ELAVL3: variants seen among roughly 807,000 people sequenced by gnomAD.
ELAVL3 encodes ELAV like RNA binding protein 3, also known as ELAV-like protein 3.
A neutral mutation model predicts 34.2 loss-of-function variants in ELAVL3; 8 were observed. That is an observed-to-expected ratio of 0.23 (90% confidence interval 0.14 to 0.42). The LOEUF (loss-of-function observed/expected upper bound fraction) is 0.42, where lower values mean the gene tolerates loss of function less well. ELAVL3 is among the 10% of genes least tolerant of loss of function. The probability of loss-of-function intolerance (pLI) is 1.00; values close to 1 mark genes in which losing one functional copy is unlikely to be tolerated. For synonymous variants in ELAVL3, 209 were observed against 222.1 expected (o/e 0.94, Z 0.53); for missense variants, 273 against 518.8 (o/e 0.53, Z 4.60).
intron 3 of ELAVL3, among the ~76,000 whole-genome samples, chr19:11,463,482 G>A (rs938361298): frequency 3.3e-5 from 5 of 152,090 alleles, no homozygotes; most frequent in African/African-American, 7.2e-5. Context: ...AGTGAAGGTC[G>A]TAGAACCACA....
intron 1 of ELAVL3, among the ~76,000 whole-genome samples, chr19:11,474,595 C>T (rs1355940936): frequency 2.7e-5 from 4 of 149,552 alleles, no homozygotes; most frequent in Admixed American, 6.7e-5. Context: ...AGTGAGACTC[C>T]GTCTCAAAAA....
In ELAVL3 at chr19:11,466,933, C is replaced by T. The variant is rs1204322305; in HGVS notation, c.10-106G>A. ...AATTAGCCATGTCTTATAGGGGCTT[C>T]GTCATGGGGAGGGGTCACTTTATTA... On this transcript the variant is annotated intron_variant, in intron 1 of 6. Transcript: ENST00000359227. This position sits in a 1 kb window ranked among gnomAD's most constrained non-coding sequence, Gnocchi z 5.0. 4.6e-6 allele frequency: 4 copies of T among 867,532 alleles called. No homozygotes were observed. The South Asian group carries it at 5.1e-5, about 11-fold the overall frequency. The allele number at this position is 867,532 out of a possible 1,614,324, so 53.7% of individuals were successfully genotyped here. A position where few individuals can be genotyped will look rare whatever the true frequency, so the allele number is the denominator to read the frequency against.
At position 11,453,947 on chromosome 19, in the gene ELAVL3, T is replaced by C. The variant is rs1599524868; in HGVS notation, c.*579A>G. ...TACAAAAATAGAGTTTTTCTTCCCC[T>C]CCCACCCCCCTTTTTTTTTCATTTT... On this transcript the variant is annotated 3_prime_UTR_variant, in exon 7 of 7. Coordinates refer to ENST00000359227, the MANE Select transcript of ELAVL3 (RefSeq NM_001420.4). 1 of 148,328 alleles carries C rather than the reference T, an allele frequency of 6.7e-6. No homozygotes were observed. The highest frequency in any genetic ancestry group is 1.5e-5 in the Non-Finnish European group (1 of 67,194). The allele number at this position is 148,328 out of a possible 1,614,324, so 9.2% of individuals were successfully genotyped here. A position where few individuals can be genotyped will look rare whatever the true frequency, so the allele number is the denominator to read the frequency against.
In ELAVL3 at chr19:11,453,222, G is replaced by A. The variant is rs1327174661; in HGVS notation, c.*1304C>T. 6.6e-6 allele frequency: 1 copy of A among 152,200 alleles called. No homozygotes were observed. The highest frequency in any genetic ancestry group is 1.5e-5 in the Non-Finnish European group (1 of 68,076). The allele number at this position is 152,200 out of a possible 1,614,324, so 9.4% of individuals were successfully genotyped here. ...GGGGGGGCTGCCTCCAGCCCACCGT[G>A]ACGCCAAGGTGGAACGAGGTATCGT... On this transcript the variant is annotated 3_prime_UTR_variant, in exon 7 of 7. Transcript: ENST00000359227.
chr19:11,464,743 CAT>C (rs1342274614), intron 3 of ELAVL3, among the ~76,000 whole-genome samples: 5 of 132,842 alleles, frequency 3.8e-5, no homozygotes, highest in Admixed American at 1.5e-4. Flanking sequence ...ACACCACACA[CAT>C]ACACCACACA....
intron 1 of ELAVL3, among the ~76,000 whole-genome samples, chr19:11,472,834 G>A (rs181716588): frequency 1.8e-4 from 28 of 152,078 alleles, no homozygotes; most frequent in Admixed American, 9.8e-4. Flanking sequence ...GGAGACCAAG[G>A]GGGGGTGGAT....
chr19:11,465,690 C>T (rs928932297), intron 3 of ELAVL3, among the ~76,000 whole-genome samples: 1 of 152,076 alleles, frequency 6.6e-6, no homozygotes, highest in Non-Finnish European at 1.5e-5. Flanking sequence ...CATGACGATT[C>T]CCCCCCAGGG....
At chr19:11,455,683 T>C (rs1970754322) in intron 6 of ELAVL3, among the ~76,000 whole-genome samples, 3 of 152,136 alleles carry the variant, frequency 2.0e-5, no homozygotes, top group Admixed American at 1.3e-4. Context: ...TCCTACCACC[T>C]TGGAGTTCCA....
Position 11,480,465 on chromosome 19 carries a change from C to T in ELAVL3, c.9+135G>A, listed in dbSNP as rs1971353585. The T allele has an allele frequency of 8.8e-7, 1 of 1,133,330 alleles. No individual in the cohort carries two copies. The highest frequency in any genetic ancestry group is 1.2e-6 in the Non-Finnish European group (1 of 855,404). 70.2% of individuals were successfully genotyped at this position (1,133,330 alleles called of 1,614,324 possible). ...CCCTGCCCACTCTCAGGCCCCGAGG[C>T]TTGGTCCTACCCCCCCAACCCGGGC... On this transcript the variant is annotated intron_variant, in intron 1 of 6. Coordinates refer to ENST00000359227, the MANE Select transcript of ELAVL3 (RefSeq NM_001420.4). The surrounding 1 kb of genome is among the most constrained non-coding windows in gnomAD (Gnocchi z 6.8).
At chr19:11,463,010 CA>C (rs1970924345) in intron 3 of ELAVL3, among the ~76,000 whole-genome samples, 1 of 150,662 alleles carries the variant, frequency 6.6e-6, no homozygotes, top group African/African-American at 2.4e-5. Flanking sequence ...ATGTATTTGA[CA>C]GTTTTCTCTT....
At chr19:11,462,505 C>T (rs560564225) in intron 3 of ELAVL3, among the ~76,000 whole-genome samples, 13 of 151,690 alleles carry the variant, frequency 8.6e-5, no homozygotes, top group African/African-American at 2.2e-4. Flanking sequence ...GGCGTGGTGG[C>T]GGGCGCCTGT....
Position 11,466,370 on chromosome 19 carries a change from G to T in ELAVL3, c.230-95C>A. On this transcript the variant is annotated intron_variant, in intron 2 of 6. Coordinates refer to ENST00000359227, the MANE Select transcript of ELAVL3 (RefSeq NM_001420.4). The surrounding 1 kb of genome is among the most constrained non-coding windows in gnomAD (Gnocchi z 5.0). ...TGAGAGACTGTCCCCTCCCCACCAA[G>T]TTTCCACCTTCCTGTTTCCAGATGA... 2 of 1,244,042 alleles carry T rather than the reference G, an allele frequency of 1.6e-6. No individual in the cohort carries two copies. Among genetic ancestry groups the T allele is most frequent in the Non-Finnish European group, 2.3e-6 (2 of 855,610 alleles). The allele number at this position is 1,244,042 out of a possible 1,614,324, so 77.1% of individuals were successfully genotyped here. A position where few individuals can be genotyped will look rare whatever the true frequency, so the allele number is the denominator to read the frequency against.
intron 5 of ELAVL3, 140 bp from the exon 6 acceptor site, chr19:11,457,288 G>A (rs905797489): frequency 6.0e-5 from 52 of 873,702 alleles, no homozygotes; most frequent in African/African-American, 8.7e-5. Context: ...CCGCCCGCCC[G>A]GCTAGACACT....
In ELAVL3 at chr19:11,480,439, G is replaced by GC. The variant is rs925118284; in HGVS notation, c.9+160dup. On this transcript the variant is annotated intron_variant, in intron 1 of 6. Transcript: ENST00000359227. This position sits in a 1 kb window ranked among gnomAD's most constrained non-coding sequence, Gnocchi z 6.8. ...AAGCGCCCTCAGCACTCTGGGCGCG[G>GC]CCCTGCCCACTCTCAGGCCCCGAGG... Among the ~76,000 whole-genome samples, 1 of 151,966 alleles carries GC rather than the reference G, an allele frequency of 6.6e-6. No homozygotes were observed. The highest frequency in any genetic ancestry group is 1.5e-5 in the Non-Finnish European group (1 of 67,946).
Position 11,466,839 on chromosome 19 carries a change from A to C in ELAVL3, c.10-12T>G. On this transcript the variant is annotated splice_polypyrimidine_tract_variant and intron_variant, in intron 1 of 6. Transcript: ENST00000359227. The surrounding 1 kb of genome is among the most constrained non-coding windows in gnomAD (Gnocchi z 5.0). ...GCCCCCAGTATCTGCTGGAGATAACAGGTCGCATCCGCTCACCGCCCAGTC... is the reference window on the plus strand; with the variant it reads ...GCCCCCAGTATCTGCTGGAGATAACCGGTCGCATCCGCTCACCGCCCAGTC... The C allele has an allele frequency of 6.3e-7, 1 of 1,583,228 alleles. No individual in the cohort carries two copies. The highest frequency in any genetic ancestry group is 8.6e-7 in the Non-Finnish European group (1 of 1,163,946).
At chr19:11,476,265 AAG>A (rs1234796269) in intron 1 of ELAVL3, among the ~76,000 whole-genome samples, 1 of 152,148 alleles carries the variant, frequency 6.6e-6, no homozygotes, top group Non-Finnish European at 1.5e-5. Flanking sequence ...TACACGAGGA[AAG>A]AGAGTCTCAA....
intron 1 of ELAVL3, among the ~76,000 whole-genome samples, chr19:11,478,605 CT>C (rs1971308108): frequency 6.6e-6 from 1 of 152,152 alleles, no homozygotes; most frequent in Non-Finnish European, 1.5e-5. Context: ...TCTCCCCCGA[CT>C]TTTGGTTTCT....
At chr19:11,474,189 T>C (rs913607678) in intron 1 of ELAVL3, among the ~76,000 whole-genome samples, 1 of 152,130 alleles carries the variant, frequency 6.6e-6, no homozygotes, top group East Asian at 1.9e-4. Flanking sequence ...TGTGCCACCA[T>C]GCCTGGCTAA....
chr19:11,452,186 G>A lies in ELAVL3; in HGVS notation c.*2340C>T, dbSNP rs1306079998. 1 of 152,204 alleles carries A rather than the reference G, an allele frequency of 6.6e-6. No individual in the cohort carries two copies. Among genetic ancestry groups the A allele is most frequent in the Non-Finnish European group, 1.5e-5 (1 of 68,044 alleles). The allele number at this position is 152,204 out of a possible 1,614,324, so 9.4% of individuals were successfully genotyped here. A position where few individuals can be genotyped will look rare whatever the true frequency, so the allele number is the denominator to read the frequency against. ...TGTCCCGCAGAGCACACGCCCCCGC[G>A]TGCCACTCGGCTACCATTACTGTTA... On this transcript the variant is annotated 3_prime_UTR_variant, in exon 7 of 7. Transcript: ENST00000359227.
Sources: gnomAD v4.1 joint callset for allele counts (sites outside exome capture counted in the v4.1 genomes callset) on GRCh38, gnomAD v4.1.1 for gene constraint, Gnocchi (gnomAD v3.1) non-coding constraint, MANE v1.5 for transcripts, NCBI Gene and HGNC (gene_info 2026-07-23, HGNC 2026-07-21) for gene names.